The following SYNE2 variants were observed in gnomAD, a reference collection of about 807,000 sequenced individuals.
SYNE2 encodes the protein nesprin-2.
SYNE2 carries 431 observed loss-of-function variants against 856.3 expected under a neutral mutation model. That is an observed-to-expected ratio of 0.50 (90% CI 0.47 to 0.55). The LOEUF is 0.55. SYNE2 is among the 20% of genes least tolerant of loss of function. The pLI, the probability that SYNE2 is intolerant of heterozygous loss-of-function variation, is 0.00. For synonymous variants in SYNE2, 2,923 were observed against 2,872.3 expected, an observed-to-expected ratio of 1.02 and a Z score of -0.56; for missense variants, 8,129 against 8,023.2, an observed-to-expected ratio of 1.01 and a Z score of -0.50.
rs61984111 is a variant in SYNE2, at chr14:64,006,689, G to A, written c.4398-354G>A. Among the ~76,000 whole-genome samples the A allele has an allele frequency of 2.0e-3, 309 of 152,114 alleles. 3 individuals are homozygous for A. Among genetic ancestry groups the A allele is most frequent in the South Asian group, 3.5e-3 (17 of 4,808 alleles). On this transcript the variant is annotated intron_variant, in intron 30 of 115. Transcript: ENST00000555002. The stretch of plus-strand genomic sequence containing the variant: ...ACAAAAAAAGAAAAATTAGCCAGGC[G>A]TGGTGGTTCGCACGTGTGGTACCAG...
At chr14:64,195,807 C>G (rs946801189) in intron 99 of SYNE2, among the ~76,000 whole-genome samples, 1 of 152,166 alleles carries the variant, frequency 6.6e-6, no homozygotes, top group East Asian at 1.9e-4. Flanking sequence ...AGTTGACTTG[C>G]GTTGGTCTTA....
At chr14:63,887,750 T>C (rs905729191) in intron 1 of SYNE2, among the ~76,000 whole-genome samples, 1 of 82,970 alleles carries the variant, frequency 1.2e-5, no homozygotes, top group African/African-American at 9.7e-5. Flanking sequence ...TGAGTCCTGC[T>C]TTTTTTTTTT....
In SYNE2 at chr14:64,177,528, T is replaced by C. The variant is rs751799236; in HGVS notation, c.17556+45T>C. 7 of 1,613,684 alleles carry C rather than the reference T, an allele frequency of 4.3e-6. No individual in the cohort carries two copies. The African/African-American group carries it at 9.3e-5, about 22-fold the overall frequency. On this transcript the variant is annotated intron_variant, in intron 96 of 115. Coordinates refer to ENST00000555002, the MANE Select transcript of SYNE2 (RefSeq NM_182914.3). ...TGGCCAAGATAATCACTTAGCTGTT[T>C]TCTGAGTACTTTGAAGTGCTTCTTT...
intron 99 of SYNE2, among the ~76,000 whole-genome samples, chr14:64,194,168 G>C (rs540330177): frequency 6.6e-6 from 1 of 152,214 alleles, no homozygotes. Context: ...TTTGGTGATT[G>C]TAACTATGTA....
chr14:63,941,995 A>C, intron 5 of SYNE2, 33 bp downstream of exon 5: 1 of 1,601,546 alleles, frequency 6.2e-7, no homozygotes, highest in South Asian at 1.1e-5. Context: ...AATTCACAGG[A>C]GAGATTAATG....
chr14:63,849,427 C>T (rs1371651833), upstream of SYNE2, among the ~76,000 whole-genome samples: 2 of 152,160 alleles, frequency 1.3e-5, no homozygotes, highest in Non-Finnish European at 2.9e-5. Context: ...AATCACTTAA[C>T]ATTATTATCT....
chr14:63,938,487 G>A (rs2095860020), intron 2 of SYNE2, among the ~76,000 whole-genome samples: 1 of 152,174 alleles, frequency 6.6e-6, no homozygotes, highest in African/African-American at 2.4e-5. Flanking sequence ...AGTGACAGTG[G>A]AGAAGGAGCA....
At chr14:63,877,087 AAC>A (rs1264756643) in intron 1 of SYNE2, among the ~76,000 whole-genome samples, 2 of 152,198 alleles carry the variant, frequency 1.3e-5, no homozygotes, top group Non-Finnish European at 2.9e-5. Context: ...ATAAGAGAGA[AAC>A]AAGACCAAAA....
chr14:63,859,968 C>CCTCA, intron 1 of SYNE2, among the ~76,000 whole-genome samples: 1 of 128,072 alleles, frequency 7.8e-6, no homozygotes, highest in African/African-American at 2.8e-5. Context: ...TCCCTCCCTC[C>CCTCA]CTCCCTTCCT....
At chr14:63,901,778 G>A (rs978353012) in intron 1 of SYNE2, among the ~76,000 whole-genome samples, 10 of 152,138 alleles carry the variant, frequency 6.6e-5, no homozygotes, top group Admixed American at 6.6e-4. Flanking sequence ...TTAAAAATTA[G>A]CCAAGCGTGG....
intron 96 of SYNE2, among the ~76,000 whole-genome samples, chr14:64,183,282 G>C (rs1255978): frequency 0.52 from 77,043 of 148,860 alleles, 22,031 homozygotes; most frequent in African/African-American, 0.77. Flanking sequence ...CAGACAGGGT[G>C]GCGGCCGGGC....
intron 71 of SYNE2, 84 bp downstream of exon 71, chr14:64,125,294 C>T (rs777847355): frequency 4.0e-5 from 63 of 1,573,174 alleles, no homozygotes; most frequent in Non-Finnish European, 5.1e-5. Flanking sequence ...TCATAATTGT[C>T]GTCACTGAAC....
chr14:64,125,986 G>A (rs949589425), intron 71 of SYNE2, among the ~76,000 whole-genome samples: 1 of 152,182 alleles, frequency 6.6e-6, no homozygotes, highest in Admixed American at 6.5e-5. Flanking sequence ...AGAATGTGGA[G>A]GGTGGGAAAC....
chr14:64,076,103 A>G lies in SYNE2; in HGVS notation c.11022+3A>G, dbSNP rs746032534. 8.1e-6 allele frequency: 13 copies of G among 1,613,186 alleles called. No homozygotes were observed. In the South Asian group the frequency reaches 1.4e-4, roughly 18 times the overall value. Reference sequence around the variant, plus strand: ...CTTTAGAAGACATAGATGAGAAGGTAATAATAATGTCTGTACTACTGTTAT... The same window carrying G: ...CTTTAGAAGACATAGATGAGAAGGTGATAATAATGTCTGTACTACTGTTAT... On this transcript the variant is annotated splice_donor_region_variant and intron_variant, in intron 54 of 115. Transcript: ENST00000555002.
chr14:64,134,605 C>T (rs984065316), intron 78 of SYNE2, among the ~76,000 whole-genome samples: 4 of 152,134 alleles, frequency 2.6e-5, no homozygotes, highest in African/African-American at 7.2e-5. Flanking sequence ...ACATATATTT[C>T]GTTTTATTCC....
chr14:64,159,399 G>C lies in SYNE2; in HGVS notation c.16051G>C (p.Val5351Leu). The change falls in exon 87 of 116, where the codon GTT (valine) becomes CTT (leucine). Residue 5351 changes from valine to leucine, a missense_variant. Physicochemically the swap from Val to Leu is conservative, Grantham distance 32 (BLOSUM62 1). Transcript: ENST00000555002. ...CAAACTCAAAGGTCTCTGCCCCTCT[G>C]TTGCTGAAATAATCGAAGAGAAATG... ...IGKLKGLCPS[V>L]AEIIEEKCQN... 1 of 1,613,960 alleles carries C rather than the reference G, an allele frequency of 6.2e-7. No homozygotes were observed. Among genetic ancestry groups the C allele is most frequent in the Non-Finnish European group, 8.5e-7 (1 of 1,179,888 alleles).
At chr14:64,021,590 G>T in intron 36 of SYNE2, 75 bp downstream of exon 36, 2 of 1,552,152 alleles carry the variant, frequency 1.3e-6, no homozygotes, top group Non-Finnish European at 1.8e-6. Context: ...AGCTCTTAGA[G>T]TTAATAAAAA....
At chr14:63,955,918 A>G (rs2096236205) in intron 8 of SYNE2, among the ~76,000 whole-genome samples, 1 of 152,196 alleles carries the variant, frequency 6.6e-6, no homozygotes, top group Admixed American at 6.5e-5. Flanking sequence ...CTTTATGTTA[A>G]TAAGTAAGTG....
chr14:64,202,089 G>A (rs183940790), intron 99 of SYNE2: 138 of 671,184 alleles, frequency 2.1e-4, no homozygotes, highest in African/African-American at 2.0e-3. Context: ...TCTGCTCCAC[G>A]CCGAGTTGGG....
Sources: gnomAD v4.1 joint callset for allele counts (sites outside exome capture counted in the v4.1 genomes callset) on GRCh38, gnomAD v4.1.1 for gene constraint, MANE v1.5 for transcripts, NCBI Gene and HGNC (gene_info 2026-07-23, HGNC 2026-07-21) for gene names.